Variants in CTTNBP2 observed in about 807,000 individuals in gnomAD.
The protein encoded by CTTNBP2 is cortactin binding protein 2.
Under a neutral mutation model 156.9 loss-of-function variants are expected in CTTNBP2, and 108 were observed. The ratio of observed to expected loss-of-function variants is 0.69; its 90% confidence interval spans 0.59 to 0.81. The LOEUF (loss-of-function observed/expected upper bound fraction) is 0.81. Among genes scored for constraint, CTTNBP2 ranks in the 30% least tolerant of loss-of-function variants. CTTNBP2 has a pLI of 0.00. For synonymous variants in CTTNBP2, 767 were observed against 751.8 expected (o/e 1.02, Z -0.33); for missense variants, 1,924 against 2,035.4 (o/e 0.95, Z 1.05).
At chr7:117,767,528 A>T (rs1017844298) in intron 8 of CTTNBP2, among the ~76,000 whole-genome samples, 1 of 152,228 alleles carries the variant, frequency 6.6e-6, no homozygotes, top group African/African-American at 2.4e-5. Flanking sequence ...TAATTTGGCA[A>T]TAGAAAACAA....
At chr7:117,828,048 G>T (rs111287332) in intron 2 of CTTNBP2, among the ~76,000 whole-genome samples, 2 of 152,106 alleles carry the variant, frequency 1.3e-5, no homozygotes, top group Non-Finnish European at 2.9e-5. Context: ...TAAACAGAAA[G>T]ATCTTAACAT....
chr7:117,784,112 T>G, intron 5 of CTTNBP2, 139 bp downstream of exon 5: 1 of 577,558 alleles, frequency 1.7e-6, no homozygotes, highest in Admixed American at 3.6e-5. Context: ...TTAAATCTCA[T>G]GTTTAAAAAA....
chr7:117,802,442 A>AC (rs1799677090), intron 3 of CTTNBP2, among the ~76,000 whole-genome samples: 1 of 143,706 alleles, frequency 7.0e-6, no homozygotes, highest in African/African-American at 2.7e-5. Flanking sequence ...ATTGGCAAAA[A>AC]AAAAAAAAAA....
At chr7:117,729,900 G>A (rs1795311943) in intron 16 of CTTNBP2, among the ~76,000 whole-genome samples, 1 of 152,206 alleles carries the variant, frequency 6.6e-6, no homozygotes, top group Admixed American at 6.5e-5. Context: ...TGGTATTGGT[G>A]AGGGGAGGTG....
At chr7:117,719,432 G>A (rs1794653425) in intron 21 of CTTNBP2, 72 bp downstream of exon 21, 2 of 1,380,580 alleles carry the variant, frequency 1.4e-6, no homozygotes, top group South Asian at 3.0e-5. Context: ...TTCTTTTAGG[G>A]AATTGTGGTC....
chr7:117,867,667 G>C (rs542254611), intron 1 of CTTNBP2, among the ~76,000 whole-genome samples: 1 of 152,216 alleles, frequency 6.6e-6, no homozygotes, highest in East Asian at 1.9e-4. Flanking sequence ...GCCCACTCTA[G>C]GGGGAACTAA....
intron 1 of CTTNBP2, among the ~76,000 whole-genome samples, chr7:117,862,757 C>T (rs1003028336): frequency 6.6e-6 from 1 of 152,196 alleles, no homozygotes; most frequent in African/African-American, 2.4e-5. Context: ...TGCATAGCAC[C>T]CAATGGCTTC....
At chr7:117,715,435 G>A (rs1224923901) in intron 22 of CTTNBP2, among the ~76,000 whole-genome samples, 1 of 140,778 alleles carries the variant, frequency 7.1e-6, no homozygotes, top group Non-Finnish European at 1.5e-5. Context: ...AAAACCCATT[G>A]TCCAGGCTTC....
chr7:117,726,677 C>A (rs1795110582), intron 17 of CTTNBP2, among the ~76,000 whole-genome samples: 2 of 152,156 alleles, frequency 1.3e-5, no homozygotes, highest in African/African-American at 4.8e-5. Context: ...CTTCCAGGGC[C>A]AAGGGTCGAC....
chr7:117,861,371 C>T, intron 1 of CTTNBP2, 55 bp from the exon 2 acceptor site: 2 of 1,216,518 alleles, frequency 1.6e-6, no homozygotes. Context: ...GGAAGACACA[C>T]ACATCCTAAG....
At chr7:117,743,761 CAAAAAAAAAAAAAA>C (rs556372208) in intron 14 of CTTNBP2, among the ~76,000 whole-genome samples, 3 of 19,624 alleles carry the variant, frequency 1.5e-4, no homozygotes, top group African/African-American at 4.5e-4. Flanking sequence ...GACTCTGTCT[CAAAAAAAAAAAAAA>C]AAAAAAAAAA....
In CTTNBP2 at chr7:117,760,449, C is replaced by T. The variant is rs767132668; in HGVS notation, c.3158G>A (p.Arg1053Gln). ...SNIGLSARSI[R>Q]SITLGNVPWS... ...ACTGCTGATACCTAGCGTGATGGAT[C>T]GTATGCTTCTTGCACTGAGGCCGAT... is the stretch of plus-strand genomic sequence containing the variant. The change falls in exon 10 of 23, where the codon CGA becomes CAA. Residue 1053 changes from arginine to glutamine, a missense_variant. By Grantham distance (43) the Arg-to-Gln change is conservative. Coordinates refer to ENST00000160373, the MANE Select transcript of CTTNBP2 (RefSeq NM_033427.3). 9.3e-6 allele frequency: 15 copies of T among 1,613,784 alleles called. No homozygotes were observed. The highest frequency in any genetic ancestry group is 5.3e-5 in the African/African-American group (4 of 74,888).
intron 1 of CTTNBP2, among the ~76,000 whole-genome samples, chr7:117,865,938 T>C (rs927062058): frequency 4.1e-5 from 6 of 147,960 alleles, no homozygotes; most frequent in Non-Finnish European, 8.9e-5. Flanking sequence ...TATTTAAAAT[T>C]AAAAAGTATA....
At chr7:117,836,807 T>C (rs921567661) in intron 2 of CTTNBP2, among the ~76,000 whole-genome samples, 4 of 152,090 alleles carry the variant, frequency 2.6e-5, no homozygotes, top group Admixed American at 1.3e-4. Context: ...GAGAACCAAG[T>C]GAAAGGGGAA....
At chr7:117,713,274 CCT>C in intron 22 of CTTNBP2, among the ~76,000 whole-genome samples, 1 of 152,128 alleles carries the variant, frequency 6.6e-6, no homozygotes. Context: ...ATAATCTTTC[CCT>C]TCAGAGTATT....
Position 117,725,228 on chromosome 7 carries a change from A to G in CTTNBP2, c.4085T>C (p.Ile1362Thr). The change falls in exon 18 of 23, where the codon ATC becomes ACC. Residue 1362 changes from isoleucine (I) to threonine (T), a missense_variant. Ile to Thr is a moderately conservative substitution (Grantham distance 89). Coordinates refer to ENST00000160373, the MANE Select transcript of CTTNBP2 (RefSeq NM_033427.3). Reference sequence around the variant, plus strand: ...TATTGCTTCTTGAACTCTGGGTGCGATGACGCCATTCCACAGCTTAGACAT... The same window carrying G: ...TATTGCTTCTTGAACTCTGGGTGCGGTGACGCCATTCCACAGCTTAGACAT... Reference protein sequence around the residue: ...KWMSKLWNGVIAPRVQEAILS... With the variant: ...KWMSKLWNGVTAPRVQEAILS... 1 of 1,614,138 alleles carries G rather than the reference A, an allele frequency of 6.2e-7. No homozygotes were observed. Among genetic ancestry groups the G allele is most frequent in the Non-Finnish European group, 8.5e-7 (1 of 1,180,002 alleles).
chr7:117,735,202 T>C (rs760633531), intron 15 of CTTNBP2, 67 bp downstream of exon 15: 2 of 1,591,718 alleles, frequency 1.3e-6, no homozygotes, highest in Non-Finnish European at 1.7e-6. Flanking sequence ...ACTGGTACTC[T>C]GGGAAACAGA....
At chr7:117,869,386 T>G (rs182858870) in intron 1 of CTTNBP2, among the ~76,000 whole-genome samples, 1 of 152,324 alleles carries the variant, frequency 6.6e-6, no homozygotes, top group East Asian at 1.9e-4. Context: ...CTTGGTGAGC[T>G]TCTTTTCATT....
intron 2 of CTTNBP2, among the ~76,000 whole-genome samples, chr7:117,852,782 T>G (rs1803013815): frequency 6.6e-6 from 1 of 152,178 alleles, no homozygotes; most frequent in African/African-American, 2.4e-5. Context: ...AATTTACAAT[T>G]GATTACAGGT....
Sources: gnomAD v4.1 joint callset for allele counts (sites outside exome capture counted in the v4.1 genomes callset) on GRCh38, gnomAD v4.1.1 for gene constraint, MANE v1.5 for transcripts, NCBI Gene and HGNC (gene_info 2026-07-23, HGNC 2026-07-21) for gene names.